RBFOX1: variants seen among roughly 807,000 people sequenced by gnomAD.
RBFOX1 encodes RNA binding fox-1 homolog 1.
In RBFOX1, 8 loss-of-function variants were observed where a neutral mutation model predicts 57.7. The observed-to-expected ratio is 0.14, with a 90% CI of 0.08 to 0.25. The LOEUF (loss-of-function observed/expected upper bound fraction) is 0.25, where lower values mean the gene tolerates loss of function less well. Among genes scored for constraint, RBFOX1 ranks in the 10% least tolerant of loss-of-function variants. The probability of loss-of-function intolerance (pLI) is 1.00; values close to 1 mark genes in which losing one functional copy is unlikely to be tolerated. For missense variants in RBFOX1, 611 were observed against 548.5 expected, an observed-to-expected ratio of 1.11 and a Z score of -1.14; for synonymous variants, 326 against 222.4, an observed-to-expected ratio of 1.47 and a Z score of -4.15.
At chr16:5,273,900 T>A (rs1413541310) in intron 1 of RBFOX1, among the ~76,000 whole-genome samples, 2 of 151,928 alleles carry the variant, frequency 1.3e-5, no homozygotes, top group Non-Finnish European at 2.9e-5. Flanking sequence ...ATGCTGGTAA[T>A]GACAAGATTG....
intron 3 of RBFOX1, among the ~76,000 whole-genome samples, chr16:7,010,581 T>C (rs926701488): frequency 6.6e-6 from 1 of 152,000 alleles, no homozygotes; most frequent in African/African-American, 2.4e-5. Context: ...ACAGAGTTTT[T>C]CTCTGTCACC....
At chr16:7,043,528 A>T (rs1335061671) in intron 3 of RBFOX1, among the ~76,000 whole-genome samples, 1 of 152,210 alleles carries the variant, frequency 6.6e-6, no homozygotes, top group African/African-American at 2.4e-5. Context: ...ATCTTGTTTC[A>T]GAAGAGTTTA....
Position 7,595,545 on chromosome 16 carries a change from G to A in RBFOX1, c.469-4G>A. ...TTGTTTTCCCTTCTCCCTCCTGCAT[G>A]CAGGGATTTGGTTTCGTAACTTTCG... On this transcript the variant is annotated splice_region_variant and splice_polypyrimidine_tract_variant and intron_variant, in intron 7 of 15. Coordinates refer to ENST00000550418, the MANE Select transcript of RBFOX1 (RefSeq NM_018723.4). 1 of 1,542,902 alleles carries A rather than the reference G, an allele frequency of 6.5e-7. No homozygotes were observed. Among genetic ancestry groups the A allele is most frequent in the Admixed American group, 1.8e-5 (1 of 54,606 alleles).
intron 4 of RBFOX1, among the ~76,000 whole-genome samples, chr16:7,330,515 T>A (rs2096673756): frequency 1.6e-5 from 2 of 122,496 alleles, no homozygotes; most frequent in South Asian, 2.5e-4. Flanking sequence ...TGTGTTTGTG[T>A]GTGTGTGTGT....
intron 1 of RBFOX1, among the ~76,000 whole-genome samples, chr16:5,266,680 C>G (rs563774604): frequency 7.1e-4 from 107 of 151,334 alleles, no homozygotes; most frequent in African/African-American, 2.4e-3. Context: ...TCTGGAGTAG[C>G]TGGGACTACA....
At chr16:6,415,674 C>T (rs1322247691) in intron 2 of RBFOX1, among the ~76,000 whole-genome samples, 1 of 152,132 alleles carries the variant, frequency 6.6e-6, no homozygotes, top group Non-Finnish European at 1.5e-5. Context: ...GCACTCTAGC[C>T]TGGGCAACAA....
intron 1 of RBFOX1, among the ~76,000 whole-genome samples, chr16:6,105,963 A>AC: frequency 6.6e-6 from 1 of 150,978 alleles, no homozygotes; most frequent in East Asian, 1.9e-4. Context: ...CCCACTTGCC[A>AC]CCCCCCAGCT....
At chr16:7,037,505 C>T (rs1256148340) in intron 3 of RBFOX1, among the ~76,000 whole-genome samples, 1 of 152,124 alleles carries the variant, frequency 6.6e-6, no homozygotes, top group Admixed American at 6.5e-5. Flanking sequence ...TCTAAGGAAA[C>T]AGTGAGGCAC....
chr16:7,166,884 C>T lies in RBFOX1; in HGVS notation c.27+114786C>T, dbSNP rs538393577. Reference sequence around the variant, plus strand: ...ATCCACGCTGGGGACTGCACAGACACAGCCACCAGTAGCCTTGCTCTCATT... The same window carrying T: ...ATCCACGCTGGGGACTGCACAGACATAGCCACCAGTAGCCTTGCTCTCATT... On this transcript the variant is annotated intron_variant, in intron 4 of 15. Coordinates refer to ENST00000550418, the MANE Select transcript of RBFOX1 (RefSeq NM_018723.4). 1.4e-3 allele frequency among the ~76,000 whole-genome samples: 213 copies of T among 150,708 alleles called. 2 individuals are homozygous for T. In the Middle Eastern group the frequency reaches 0.027, roughly 19 times the overall value.
At chr16:7,162,267 C>T (rs1011714050) in intron 4 of RBFOX1, among the ~76,000 whole-genome samples, 55 of 152,222 alleles carry the variant, frequency 3.6e-4, no homozygotes, top group African/African-American at 1.3e-3. Context: ...CTTATATTTC[C>T]TCTCTCTCCA....
intron 4 of RBFOX1, among the ~76,000 whole-genome samples, chr16:7,167,348 A>C (rs951356097): frequency 6.6e-6 from 1 of 152,016 alleles, no homozygotes; most frequent in Non-Finnish European, 1.5e-5. Flanking sequence ...TCCTGGACTT[A>C]GAGTGGACCC....
chr16:5,580,699 C>T (rs1039125552), intron 2 of RBFOX1, among the ~76,000 whole-genome samples: 5 of 152,194 alleles, frequency 3.3e-5, no homozygotes, highest in African/African-American at 1.2e-4. Context: ...GCATCTCACA[C>T]TGCCCTGCGT....
intron 3 of RBFOX1, among the ~76,000 whole-genome samples, chr16:6,798,055 A>G (rs1167694437): frequency 6.6e-6 from 1 of 152,108 alleles, no homozygotes; most frequent in African/African-American, 2.4e-5. Flanking sequence ...ATAAAACCCA[A>G]CACATAGGCA....
At chr16:5,878,447 G>C (rs901818733) in intron 4 of RBFOX1, among the ~76,000 whole-genome samples, 5 of 152,182 alleles carry the variant, frequency 3.3e-5, no homozygotes, top group African/African-American at 1.2e-4. Context: ...GGGCCATATG[G>C]CTAGTAGGCA....
At chr16:5,985,309 ATGGGGCCAT>A (rs1322047044) in intron 4 of RBFOX1, among the ~76,000 whole-genome samples, 1 of 141,404 alleles carries the variant, frequency 7.1e-6, no homozygotes, top group East Asian at 2.6e-4. Flanking sequence ...TCATAATCTT[ATGGGGCCAT>A]TGTCATGGAT....
chr16:6,311,044 C>G (rs912671446), intron 1 of RBFOX1, among the ~76,000 whole-genome samples: 1 of 151,980 alleles, frequency 6.6e-6, no homozygotes, highest in Non-Finnish European at 1.5e-5. Flanking sequence ...CACTTTTAAT[C>G]CCAGCACTTT....
At position 7,529,443 on chromosome 16, in the gene RBFOX1, C is replaced by T. The variant is rs75197526; in HGVS notation, c.270+11054C>T. On this transcript the variant is annotated intron_variant, in intron 5 of 15. Coordinates refer to ENST00000550418, the MANE Select transcript of RBFOX1 (RefSeq NM_018723.4). Reference sequence around the variant, plus strand: ...ATGGTATGCAACCCTTTGGTGGGGACCCTGTAGTAATTTAGCAAACAAATT... The same window carrying T: ...ATGGTATGCAACCCTTTGGTGGGGATCCTGTAGTAATTTAGCAAACAAATT... Among the ~76,000 whole-genome samples, 3 of 152,288 alleles carry T rather than the reference C, an allele frequency of 2.0e-5. No individual in the cohort carries two copies. In the East Asian group the frequency reaches 5.8e-4, roughly 29 times the overall value.
intron 3 of RBFOX1, among the ~76,000 whole-genome samples, chr16:6,714,628 T>G (rs2064398329): frequency 6.6e-6 from 1 of 152,088 alleles, no homozygotes; most frequent in African/African-American, 2.4e-5. Flanking sequence ...ATGCAGGTAT[T>G]GAAGATGAAC....
chr16:5,444,154 A>T (rs10163214), intron 1 of RBFOX1, among the ~76,000 whole-genome samples: 1 of 152,006 alleles, frequency 6.6e-6, no homozygotes, highest in South Asian at 2.1e-4. Flanking sequence ...AGAGGCTGGA[A>T]CATGTTTTGT....
Sources: gnomAD v4.1 joint callset for allele counts (sites outside exome capture counted in the v4.1 genomes callset) on GRCh38, gnomAD v4.1.1 for gene constraint, MANE v1.5 for transcripts, NCBI Gene and HGNC (gene_info 2026-07-23, HGNC 2026-07-21) for gene names.